Variants in ACSS3 observed in about 807,000 individuals in gnomAD.
The protein encoded by ACSS3 is acyl-CoA synthetase short-chain family member 3, mitochondrial.
Under a neutral mutation model 84.2 loss-of-function variants are expected in ACSS3, and 64 were observed. The ratio of observed to expected loss-of-function variants is 0.76; its 90% CI spans 0.62 to 0.94. ACSS3 has a LOEUF of 0.94. Among genes scored for constraint, ACSS3 ranks in the 40% least tolerant of loss-of-function variants. The probability of loss-of-function intolerance (pLI) is 0.00; values close to 1 mark genes in which losing one functional copy is unlikely to be tolerated. For missense variants in ACSS3, 815 were observed against 867.6 expected, an observed-to-expected ratio of 0.94 and a Z score of 0.76; for synonymous variants, 317 against 310.1, an observed-to-expected ratio of 1.02 and a Z score of -0.23.
At position 81,142,275 on chromosome 12, in the gene ACSS3, G is replaced by A. The variant is rs561407762; in HGVS notation, c.781-832G>A. Among the ~76,000 whole-genome samples, 4 of 152,172 alleles carry A rather than the reference G, an allele frequency of 2.6e-5. No individual in the cohort carries two copies. The South Asian group carries it at 8.3e-4, about 32-fold the overall frequency. On this transcript the variant is annotated intron_variant, in intron 4 of 15. Coordinates refer to ENST00000548058, the MANE Select transcript of ACSS3 (RefSeq NM_024560.4). The stretch of plus-strand genomic sequence containing the variant: ...TAAACTTCCTGATGTGTGATCTTGA[G>A]CTCAGCTAACATCTAAGAAAAAAAC...
chr12:81,206,129 A>T (rs1032801785), intron 9 of ACSS3, among the ~76,000 whole-genome samples: 4 of 152,128 alleles, frequency 2.6e-5, no homozygotes, highest in Non-Finnish European at 4.4e-5. Context: ...TGTGCTATCA[A>T]ATGCTGCCTT....
chr12:81,126,462 T>G (rs1029380657), intron 2 of ACSS3, among the ~76,000 whole-genome samples: 1 of 152,210 alleles, frequency 6.6e-6, no homozygotes, highest in African/African-American at 2.4e-5. Context: ...TGACGTAGAA[T>G]TATTTTCTCT....
At chr12:81,133,223 A>T (rs1210792198) in intron 2 of ACSS3, among the ~76,000 whole-genome samples, 1 of 152,082 alleles carries the variant, frequency 6.6e-6, no homozygotes, top group Non-Finnish European at 1.5e-5. Context: ...AATGGCCAGG[A>T]TTCAGAATTC....
At chr12:81,189,152 T>C (rs1159970168) in intron 8 of ACSS3, among the ~76,000 whole-genome samples, 1 of 152,172 alleles carries the variant, frequency 6.6e-6, no homozygotes, top group East Asian at 1.9e-4. Context: ...TTTTTGATTG[T>C]TTCTAATTTT....
At chr12:81,243,974 T>A (rs549608179) in intron 13 of ACSS3, among the ~76,000 whole-genome samples, 2 of 152,312 alleles carry the variant, frequency 1.3e-5, no homozygotes, top group South Asian at 4.1e-4. Flanking sequence ...ACGTATATTA[T>A]TTTCCATGTC....
At chr12:81,199,053 C>T (rs992911389) in intron 8 of ACSS3, among the ~76,000 whole-genome samples, 2 of 152,118 alleles carry the variant, frequency 1.3e-5, no homozygotes, top group Non-Finnish European at 2.9e-5. Context: ...ATTAGATGAA[C>T]ATGGCAGATC....
chr12:81,139,052 C>A, intron 3 of ACSS3, 79 bp from the exon 4 acceptor site: 1 of 1,428,468 alleles, frequency 7.0e-7, no homozygotes, highest in Non-Finnish European at 9.7e-7. Flanking sequence ...TGTTGAATTG[C>A]CAGTCTGCAA....
intron 1 of ACSS3, among the ~76,000 whole-genome samples, chr12:81,098,157 T>C (rs1264172478): frequency 7.3e-6 from 1 of 137,042 alleles, no homozygotes; most frequent in Non-Finnish European, 1.6e-5. Context: ...AGAGAGTGTG[T>C]GTGTGTGTGT....
intron 3 of ACSS3, among the ~76,000 whole-genome samples, chr12:81,138,393 A>G (rs1257435759): frequency 1.3e-5 from 2 of 152,322 alleles, no homozygotes; most frequent in Admixed American, 6.5e-5. Flanking sequence ...AACACTGACT[A>G]TAGCTGAACA....
At chr12:81,145,022 C>T (rs1320018788) in intron 5 of ACSS3, among the ~76,000 whole-genome samples, 1 of 150,204 alleles carries the variant, frequency 6.7e-6, no homozygotes, top group Admixed American at 6.6e-5. Context: ...TGCCTTAGCC[C>T]CCCGAGTAGC....
intron 8 of ACSS3, among the ~76,000 whole-genome samples, chr12:81,175,958 C>T (rs929813965): frequency 8.6e-5 from 13 of 151,964 alleles, no homozygotes; most frequent in African/African-American, 2.7e-4. Flanking sequence ...AAAACCAGAG[C>T]GGACCATTCC....
At chr12:81,163,812 A>G (rs1055376292) in intron 7 of ACSS3, among the ~76,000 whole-genome samples, 22 of 152,370 alleles carry the variant, frequency 1.4e-4, no homozygotes, top group African/African-American at 4.3e-4. Context: ...AAAAACTTAT[A>G]GAATGAACAT....
rs2034636948 is a variant in ACSS3 at position 81,259,454 on chromosome 12, A to G, written c.*4532A>G. On this transcript the variant is annotated 3_prime_UTR_variant, in exon 16 of 16. Transcript: ENST00000548058. ...AGAGTTTATGATGTAGATGATGTTT[A>G]TTATTCAAATGACTTAAGCATTTTA... 1.5e-6 allele frequency: 1 copy of G among 665,946 alleles called. No individual in the cohort carries two copies. The highest frequency in any genetic ancestry group is 2.7e-6 in the Non-Finnish European group (1 of 375,622). The allele number at this position is 665,946 out of a possible 1,614,324, so 41.3% of individuals were successfully genotyped here. A position where few individuals can be genotyped will look rare whatever the true frequency, so the allele number is the denominator to read the frequency against.
chr12:81,249,321 A>G (rs1448278373), intron 13 of ACSS3, among the ~76,000 whole-genome samples: 1 of 152,086 alleles, frequency 6.6e-6, no homozygotes, highest in Admixed American at 6.6e-5. Context: ...AGAAATGTAC[A>G]GGAAACAAAT....
intron 1 of ACSS3, among the ~76,000 whole-genome samples, chr12:81,082,164 C>G (rs1486959747): frequency 6.6e-6 from 1 of 152,186 alleles, no homozygotes; most frequent in African/African-American, 2.4e-5. Flanking sequence ...TTGAACTCAT[C>G]ACCCAGATAG....
chr12:81,142,419 A>G (rs938504272), intron 4 of ACSS3, among the ~76,000 whole-genome samples: 1 of 152,166 alleles, frequency 6.6e-6, no homozygotes, highest in African/African-American at 2.4e-5. Context: ...CACTGTTTTT[A>G]AAAAAGACTA....
intron 1 of ACSS3, among the ~76,000 whole-genome samples, chr12:81,088,418 A>T (rs1268432874): frequency 1.3e-5 from 2 of 152,086 alleles, no homozygotes; most frequent in Non-Finnish European, 2.9e-5. Flanking sequence ...AAAGTACATA[A>T]ACATTGTCAG....
chr12:81,081,453 C>A (rs1880970776), intron 1 of ACSS3, among the ~76,000 whole-genome samples: 2 of 152,090 alleles, frequency 1.3e-5, no homozygotes, highest in South Asian at 4.1e-4. Flanking sequence ...GTAATAAAGT[C>A]TCTATTAGAG....
chr12:81,148,801 C>G (rs1245064740), intron 5 of ACSS3, among the ~76,000 whole-genome samples: 3 of 150,754 alleles, frequency 2.0e-5, no homozygotes, highest in Non-Finnish European at 4.4e-5. Context: ...GTGCATCATG[C>G]CTGTAATCCC....
Sources: gnomAD v4.1 joint callset for allele counts (sites outside exome capture counted in the v4.1 genomes callset) on GRCh38, gnomAD v4.1.1 for gene constraint, MANE v1.5 for transcripts, NCBI Gene and HGNC (gene_info 2026-07-23, HGNC 2026-07-21) for gene names.